The following CCDC27 variants were observed in gnomAD, a reference collection of about 807,000 sequenced individuals.
CCDC27 encodes coiled-coil domain containing 27.
CCDC27 carries 80 observed loss-of-function variants against 80.3 expected under a neutral mutation model. That is an observed-to-expected ratio of 1.00 (90% confidence interval 0.83 to 1.20). The LOEUF (loss-of-function observed/expected upper bound fraction) is 1.20. Among genes scored for constraint, CCDC27 ranks in the 50% most tolerant of loss-of-function variants. The probability of loss-of-function intolerance (pLI) is 0.00; values close to 1 mark genes in which losing one functional copy is unlikely to be tolerated. For missense variants in CCDC27, 815 were observed against 809.4 expected (o/e 1.01, Z -0.08); for synonymous variants, 342 against 334.3 (o/e 1.02, Z -0.25).
At chr1:3,759,759 T>C (rs898248930) in intron 4 of CCDC27, among the ~76,000 whole-genome samples, 1 of 152,214 alleles carries the variant, frequency 6.6e-6, no homozygotes, top group Non-Finnish European at 1.5e-5. Context: ...CTGTACATTA[T>C]TATAGATTTC....
At position 3,763,245 on chromosome 1, in the gene CCDC27, C is replaced by G. The variant is rs565477124; in HGVS notation, c.1092C>G (p.Ser364=). The part of the protein sequence containing the change: ...GAWGGVSQMG[S]VHEEGSEEEE... The stretch of plus-strand genomic sequence containing the variant: ...GGGGAGGTGTGAGCCAGATGGGATC[C>G]GTGCATGAGGAGGGAAGCGAGGAGG... Residue 364 remains serine, a synonymous_variant, in exon 7 of 12, where the codon TCC becomes TCG. Coordinates refer to ENST00000294600, the MANE Select transcript of CCDC27 (RefSeq NM_152492.3). This position sits in a 1 kb window ranked among gnomAD's most constrained non-coding sequence, Gnocchi z 7.5. 6.4e-7 allele frequency: 1 copy of G among 1,562,612 alleles called. No homozygotes were observed. Among genetic ancestry groups the G allele is most frequent in the African/African-American group, 1.4e-5 (1 of 74,056 alleles).
rs1643087916 is a variant in CCDC27, at chr1:3,761,610, A to G, written c.861+180A>G. 6.6e-6 allele frequency among the ~76,000 whole-genome samples: 1 copy of G among 152,164 alleles called. No homozygotes were observed. The highest frequency in any genetic ancestry group is 6.5e-5 in the Admixed American group (1 of 15,276). ...TGATCAACAGGCAGGGGAGAGGCGAACAGAGGCACGAAATGACAAATGAGA... is the reference window on the plus strand; with the variant it reads ...TGATCAACAGGCAGGGGAGAGGCGAGCAGAGGCACGAAATGACAAATGAGA... On this transcript the variant is annotated intron_variant, in intron 5 of 11. Transcript: ENST00000294600. This position sits in a 1 kb window ranked among gnomAD's most constrained non-coding sequence, Gnocchi z 5.0.
rs968745102 is a variant in CCDC27 at position 3,766,874 on chromosome 1, C to T, written c.1530+262C>T. ...TTTTTTTTTTTGAGACAGAGTCCTG[C>T]TCCGTCACCAGGCTGGAGTGCAGTG... On this transcript the variant is annotated intron_variant, in intron 9 of 11. Coordinates refer to ENST00000294600, the MANE Select transcript of CCDC27 (RefSeq NM_152492.3). The surrounding 1 kb of genome is among the most constrained non-coding windows in gnomAD (Gnocchi z 6.1). 5.1e-5 allele frequency among the ~76,000 whole-genome samples: 7 copies of T among 136,648 alleles called. No homozygotes were observed. The highest frequency in any genetic ancestry group is 9.1e-5 in the Non-Finnish European group (6 of 65,916). The allele number at this position is 136,648 out of a possible 152,430, so 89.6% of individuals were successfully genotyped here. A position where few individuals can be genotyped will look rare whatever the true frequency, so the allele number is the denominator to read the frequency against.
intron 8 of CCDC27, among the ~76,000 whole-genome samples, chr1:3,764,274 G>T (rs1178011628): frequency 6.6e-6 from 1 of 152,130 alleles, no homozygotes; most frequent in Non-Finnish European, 1.5e-5. Flanking sequence ...ATCGCTTAAA[G>T]AATCAAATAG....
chr1:3,766,440 G>A lies in CCDC27; in HGVS notation c.1453-95G>A, dbSNP rs544389327. The A allele has an allele frequency of 2.0e-5, 15 of 754,430 alleles. No individual in the cohort carries two copies. In the East Asian group the frequency reaches 3.4e-4, roughly 17 times the overall value. 46.7% of individuals were successfully genotyped at this position (754,430 alleles called of 1,614,324 possible). ...TAGAAATCCCGCTGCTATTATTTTA[G>A]GGAGCTTTGGGGAAGGAAAAAAGTT... is the stretch of plus-strand genomic sequence containing the variant. On this transcript the variant is annotated intron_variant, in intron 8 of 11. Transcript: ENST00000294600. This position sits in a 1 kb window ranked among gnomAD's most constrained non-coding sequence, Gnocchi z 6.1.
rs1643292705 is a variant in CCDC27 at position 3,768,818 on chromosome 1, C to T, written c.1744-965C>T. On this transcript the variant is annotated intron_variant, in intron 10 of 11. Transcript: ENST00000294600. This position sits in a 1 kb window ranked among gnomAD's most constrained non-coding sequence, Gnocchi z 5.6. ...GCCAACCTCTACCCTGGGGAGGGAC[C>T]CCCAGTACAGAGGCCCAGCCCCTTG... Among the ~76,000 whole-genome samples the T allele has an allele frequency of 6.6e-6, 1 of 152,182 alleles. No homozygotes were observed. Among genetic ancestry groups the T allele is most frequent in the Non-Finnish European group, 1.5e-5 (1 of 68,030 alleles).
chr1:3,752,671 G>C lies in CCDC27; in HGVS notation c.190G>C (p.Ala64Pro), dbSNP rs759662405. Reference protein sequence around the residue: ...QRHSSMSSSMARALVLLQSMA... With the variant: ...QRHSSMSSSMPRALVLLQSMA... The stretch of plus-strand genomic sequence containing the variant: ...GCACAGTTCGATGTCCAGCTCGATG[G>C]CCAGGGCCCTGGTGCTCCTCCAGAG... Residue 64 changes from alanine to proline, a missense_variant, in exon 1 of 12, where the codon GCC (alanine) becomes CCC (proline). Ala to Pro is a conservative substitution (Grantham distance 27). Coordinates refer to ENST00000294600, the MANE Select transcript of CCDC27 (RefSeq NM_152492.3). 11 of 1,614,056 alleles carry C rather than the reference G, an allele frequency of 6.8e-6. No homozygotes were observed. The South Asian group carries it at 1.2e-4, about 18-fold the overall frequency.
chr1:3,759,000 G>A (rs1413336621), intron 4 of CCDC27, among the ~76,000 whole-genome samples: 3 of 151,986 alleles, frequency 2.0e-5, no homozygotes, highest in African/African-American at 7.2e-5. Flanking sequence ...CATGAGGTCA[G>A]GAGTTCAAGA....
At chr1:3,762,896 C>A in intron 6 of CCDC27, 184 bp downstream of exon 6, 1 of 786,974 alleles carries the variant, frequency 1.3e-6, no homozygotes. Flanking sequence ...AGGTCAGGTG[C>A]AGTCTACTGA....
chr1:3,763,080 C>T lies in CCDC27; in HGVS notation c.955-28C>T. 1.4e-6 allele frequency: 2 copies of T among 1,459,672 alleles called. No homozygotes were observed. Among genetic ancestry groups the T allele is most frequent in the East Asian group, 2.5e-5 (1 of 40,496 alleles). 90.4% of individuals were successfully genotyped at this position (1,459,672 alleles called of 1,614,324 possible). A position where few individuals can be genotyped will look rare whatever the true frequency, so the allele number is the denominator to read the frequency against. The stretch of plus-strand genomic sequence containing the variant: ...GCCCTGGGGGTGCCCCGCAGCCCTG[C>T]CCAGCCCCTGCCCTACCCATCTTAC... On this transcript the variant is annotated intron_variant, in intron 6 of 11. Coordinates refer to ENST00000294600, the MANE Select transcript of CCDC27 (RefSeq NM_152492.3). The surrounding 1 kb of genome is among the most constrained non-coding windows in gnomAD (Gnocchi z 7.5).
At chr1:3,754,015 T>C in intron 1 of CCDC27, 103 bp from the exon 2 acceptor site, 2 of 1,513,102 alleles carry the variant, frequency 1.3e-6, no homozygotes, top group Non-Finnish European at 1.8e-6. Context: ...CACCTGCCAT[T>C]GGGGCGATTT....
Position 3,766,999 on chromosome 1 carries a change from C to A in CCDC27, c.1531-234C>A, listed in dbSNP as rs533124681. On this transcript the variant is annotated intron_variant, in intron 9 of 11. Transcript: ENST00000294600. This position sits in a 1 kb window ranked among gnomAD's most constrained non-coding sequence, Gnocchi z 6.1. ...GGGACTACCAGCACTTGCCATCATG[C>A]CCAGCTAATTTTTGTATTTTTAGTA... Among the ~76,000 whole-genome samples, 2 of 152,072 alleles carry A rather than the reference C, an allele frequency of 1.3e-5. No individual in the cohort carries two copies. Among genetic ancestry groups the A allele is most frequent in the Non-Finnish European group, 2.9e-5 (2 of 68,010 alleles).
At chr1:3,765,577 T>A (rs552955343) in intron 8 of CCDC27, among the ~76,000 whole-genome samples, 3 of 152,362 alleles carry the variant, frequency 2.0e-5, no homozygotes, top group Non-Finnish European at 2.9e-5. Context: ...TTTACTCTGA[T>A]GTTCTCTGAG....
At chr1:3,767,486 TGGCGGCCGAGCACCCA>T in intron 10 of CCDC27, 41 bp downstream of exon 10, 1 of 1,552,076 alleles carries the variant, frequency 6.4e-7, no homozygotes, top group Non-Finnish European at 8.7e-7. Context: ...TCCCAGCAGC[TGGCGGCCGAGCACCCA>T]GGCCTCTGCC....
At chr1:3,759,639 G>A (rs568478213) in intron 4 of CCDC27, among the ~76,000 whole-genome samples, 58 of 152,166 alleles carry the variant, frequency 3.8e-4, no homozygotes, top group Non-Finnish European at 8.4e-4. Context: ...TTTGGTGCAG[G>A]GCACAGAGGT....
chr1:3,754,309 C>T, intron 2 of CCDC27, 68 bp downstream of exon 2: 1 of 1,484,488 alleles, frequency 6.7e-7, no homozygotes, highest in Non-Finnish European at 8.9e-7. Flanking sequence ...GGGAGGCCTT[C>T]CTGCACCCTT....
chr1:3,756,666 C>G (rs1350218734), intron 3 of CCDC27, 67 bp from the exon 4 acceptor site: 4 of 1,566,346 alleles, frequency 2.6e-6, no homozygotes, highest in Non-Finnish European at 3.5e-6. Flanking sequence ...ATGTCGTCAT[C>G]GAAGACGCCA....
chr1:3,762,487 C>A, intron 5 of CCDC27, 133 bp from the exon 6 acceptor site: 1 of 689,736 alleles, frequency 1.4e-6, no homozygotes, highest in Non-Finnish European at 2.5e-6. Flanking sequence ...CATCCCCCAG[C>A]CCCTTGGCAG....
chr1:3,761,674 G>A lies in CCDC27; in HGVS notation c.861+244G>A, dbSNP rs952284764. Among the ~76,000 whole-genome samples, 1 of 152,118 alleles carries A rather than the reference G, an allele frequency of 6.6e-6. No individual in the cohort carries two copies. Among genetic ancestry groups the A allele is most frequent in the Non-Finnish European group, 1.5e-5 (1 of 68,010 alleles). On this transcript the variant is annotated intron_variant, in intron 5 of 11. Coordinates refer to ENST00000294600, the MANE Select transcript of CCDC27 (RefSeq NM_152492.3). This position sits in a 1 kb window ranked among gnomAD's most constrained non-coding sequence, Gnocchi z 5.0. ...GCAACAGGGGGGGGAGAGATGAATG[G>A]AGGCGCAAAATGACAAATGAGAGCC...
Sources: allele counts gnomAD v4.1 joint callset (sites outside exome capture counted in the v4.1 genomes callset), GRCh38; gene constraint gnomAD v4.1.1; non-coding constraint Gnocchi (gnomAD v3.1); transcripts MANE v1.5; gene names NCBI Gene and HGNC (gene_info 2026-07-23, HGNC 2026-07-21).